RANBP2: variants seen among roughly 807,000 people sequenced by gnomAD.
The protein encoded by RANBP2 is RAN binding protein 2, also known as E3 SUMO-protein ligase RanBP2.
A neutral mutation model predicts 303.6 loss-of-function variants in RANBP2; 57 were observed. The observed-to-expected ratio is 0.19, with a 90% confidence interval of 0.15 to 0.23. RANBP2 has a LOEUF of 0.23. Ranked by LOEUF, RANBP2 falls within the 10% of genes least tolerant of loss-of-function variation. RANBP2 has a pLI of 1.00. For missense variants in RANBP2, 3,138 were observed against 3,780.8 expected (o/e 0.83, Z 4.46); for synonymous variants, 1,167 against 1,301.5 (o/e 0.90, Z 2.23).
At chr2:109,080,379 G>A in the RANBP2 span, among the ~76,000 whole-genome samples, 1 of 152,156 alleles carries the variant, frequency 6.6e-6, no homozygotes, top group Admixed American at 6.5e-5. Flanking sequence ...GGACTGGAAG[G>A]TGCTGGAGGT....
At chr2:109,328,304 AT>A in the RANBP2 span, among the ~76,000 whole-genome samples, 9 of 152,066 alleles carry the variant, frequency 5.9e-5, no homozygotes, top group Non-Finnish European at 1.5e-5. Context: ...ACTTCTTTCT[AT>A]TTCTGGAAGT....
At chr2:109,640,341 A>G in the RANBP2 span, among the ~76,000 whole-genome samples, 1 of 152,142 alleles carries the variant, frequency 6.6e-6, no homozygotes, top group Non-Finnish European at 1.5e-5. Context: ...AATCCCAGCT[A>G]CTTAGGAGGC....
the RANBP2 span, among the ~76,000 whole-genome samples, chr2:109,356,886 C>G: frequency 1.3e-5 from 2 of 152,114 alleles, no homozygotes; most frequent in Non-Finnish European, 2.9e-5. Context: ...GCTCTCACTT[C>G]CCAGGCTGAG....
chr2:108,842,097 A>G, the RANBP2 span, among the ~76,000 whole-genome samples: 5 of 152,044 alleles, frequency 3.3e-5, no homozygotes, highest in Non-Finnish European at 2.9e-5. Flanking sequence ...TGATGATCAT[A>G]GATCACTGCA....
chr2:109,490,837 A>G, the RANBP2 span: 1 of 1,536,660 alleles, frequency 6.5e-7, no homozygotes, highest in African/African-American at 1.4e-5. Context: ...CTGCACAGGA[A>G]GGCAGGCTCC....
At chr2:108,799,013 T>C in the RANBP2 span, among the ~76,000 whole-genome samples, 1 of 152,166 alleles carries the variant, frequency 6.6e-6, no homozygotes, top group Non-Finnish European at 1.5e-5. Flanking sequence ...ATGTTTACTT[T>C]CTCAGTTGGT....
chr2:109,513,736 G>T, the RANBP2 span, among the ~76,000 whole-genome samples: 1 of 152,224 alleles, frequency 6.6e-6, no homozygotes, highest in Non-Finnish European at 1.5e-5. Context: ...GGTGCCCATG[G>T]AGGCTGTAGT....
the RANBP2 span, among the ~76,000 whole-genome samples, chr2:109,158,025 C>G: frequency 1.3e-5 from 2 of 152,264 alleles, no homozygotes; most frequent in Non-Finnish European, 2.9e-5. Flanking sequence ...TTCTGGGCTG[C>G]GTGCTTCAAT....
the RANBP2 span, among the ~76,000 whole-genome samples, chr2:109,027,261 A>AC: frequency 4.7e-3 from 711 of 151,318 alleles, 24 homozygotes; most frequent in Admixed American, 0.042. Flanking sequence ...AAAAAAAAAA[A>AC]AAACAAGGAC....
chr2:109,104,769 T>C, the RANBP2 span, among the ~76,000 whole-genome samples: 6 of 152,264 alleles, frequency 3.9e-5, no homozygotes, highest in Non-Finnish European at 2.9e-5. Flanking sequence ...AGGCGTGAGC[T>C]ACCGTGCCCA....
At chr2:109,153,247 A>C in the RANBP2 span, among the ~76,000 whole-genome samples, 1 of 152,228 alleles carries the variant, frequency 6.6e-6, no homozygotes, top group Non-Finnish European at 1.5e-5. Context: ...AATAAAAGAA[A>C]TTACATTAAT....
the RANBP2 span, among the ~76,000 whole-genome samples, chr2:109,061,260 T>A: frequency 4.6e-5 from 7 of 152,124 alleles, no homozygotes; most frequent in African/African-American, 1.7e-4. Flanking sequence ...GCACACAGAT[T>A]CCCAAGCTTA....
chr2:109,155,834 G>C, the RANBP2 span, among the ~76,000 whole-genome samples: 106,276 of 152,188 alleles, frequency 0.7, 38,277 homozygotes, highest in African/African-American at 0.77. Flanking sequence ...TAGGTGGTCA[G>C]CCTTCAAACT....
the RANBP2 span, among the ~76,000 whole-genome samples, chr2:109,319,586 C>G: frequency 6.6e-6 from 1 of 152,234 alleles, no homozygotes; most frequent in Admixed American, 6.5e-5. Context: ...GGGCTCGTTC[C>G]AGAACAGAAA....
chr2:108,745,408 T>G (rs1258105054), intron 7 of RANBP2, among the ~76,000 whole-genome samples: 5 of 147,496 alleles, frequency 3.4e-5, no homozygotes, highest in Admixed American at 6.9e-5. Flanking sequence ...GGACATTCAT[T>G]ACTTTTCAAG....
the RANBP2 span, among the ~76,000 whole-genome samples, chr2:109,651,954 A>T: frequency 2.6e-5 from 4 of 152,060 alleles, no homozygotes; most frequent in Non-Finnish European, 5.9e-5. Flanking sequence ...GTGCAGCCCC[A>T]CTCTCACCAG....
At chr2:109,501,446 C>T in the RANBP2 span, 15 of 714,900 alleles carry the variant, frequency 2.1e-5, no homozygotes, top group Admixed American at 9.5e-5. Flanking sequence ...AGAGAAAGCA[C>T]GACCCAGCAG....
At chr2:109,613,932 G>T in the RANBP2 span, 74 of 1,221,168 alleles carry the variant, frequency 6.1e-5, no homozygotes, top group Non-Finnish European at 7.3e-5. Flanking sequence ...AACGGGCGGG[G>T]CGCGAGGCTA....
chr2:108,988,886 T>C, the RANBP2 span: 1 of 152,342 alleles, frequency 6.6e-6, no homozygotes, highest in East Asian at 1.9e-4. Flanking sequence ...CCAGCCTCTC[T>C]CCCAGCCCAT....
Sources: allele counts gnomAD v4.1 joint callset (sites outside exome capture counted in the v4.1 genomes callset), GRCh38; gene constraint gnomAD v4.1.1; transcripts MANE v1.5; gene names NCBI Gene and HGNC (gene_info 2026-07-23, HGNC 2026-07-21).